Variants in DLC1 observed in about 807,000 individuals in gnomAD.
DLC1 encodes DLC1 Rho GTPase activating protein, also known as rho GTPase-activating protein 7.
In DLC1, 54 loss-of-function variants were observed where a neutral mutation model predicts 140.3. The ratio of observed to expected loss-of-function variants is 0.38; its 90% CI spans 0.31 to 0.48. DLC1 has a LOEUF of 0.48. DLC1 is among the 20% of genes least tolerant of loss of function. The pLI, the probability that DLC1 is intolerant of heterozygous loss-of-function variation, is 0.96. For missense variants in DLC1, 2,536 were observed against 1,907.0 expected (o/e 1.33, Z -6.14); for synonymous variants, 986 against 728.1 (o/e 1.35, Z -5.70).
chr8:13,173,841 A>G (rs1825621331), intron 5 of DLC1, among the ~76,000 whole-genome samples: 1 of 152,202 alleles, frequency 6.6e-6, no homozygotes, highest in African/African-American at 2.4e-5. Context: ...AATCATAATT[A>G]GTCCATTTTT....
chr8:13,272,093 T>TA (rs1393992431), intron 5 of DLC1, among the ~76,000 whole-genome samples: 1 of 152,232 alleles, frequency 6.6e-6, no homozygotes, highest in African/African-American at 2.4e-5. Flanking sequence ...TCCCTTCTTT[T>TA]AAAAAGTCAA....
rs766172478 is a variant in DLC1 at position 13,099,983 on chromosome 8, G to A, written c.2354C>T (p.Ser785Leu). The A allele has an allele frequency of 1.9e-6, 3 of 1,612,558 alleles. No individual in the cohort carries two copies. The highest frequency in any genetic ancestry group is 1.7e-6 in the Non-Finnish European group (2 of 1,180,036). Reference protein sequence around the residue: ...YLEGFDPFNQSTFNNVVEQNF... With the variant: ...YLEGFDPFNQLTFNNVVEQNF... ...CTGCTCCACCACGTTGTTAAATGTT[G>A]ACTGATTGAAAGGATCGAAGCCCTC... The change falls in exon 9 of 18, where the codon TCA becomes TTA. Residue 785 changes from serine to leucine, a missense_variant. Physicochemically the swap from Ser to Leu is moderately radical, Grantham distance 145. Coordinates refer to ENST00000276297, the MANE Select transcript of DLC1 (RefSeq NM_182643.3).
chr8:13,084,399 T>A lies in DLC1; in HGVS notation c.*1412A>T, dbSNP rs1455446231. 1 of 152,614 alleles carries A rather than the reference T, an allele frequency of 6.6e-6. No individual in the cohort carries two copies. The highest frequency in any genetic ancestry group is 2.4e-5 in the African/African-American group (1 of 41,450). 9.5% of individuals were successfully genotyped at this position (152,614 alleles called of 1,614,324 possible). A position where few individuals can be genotyped will look rare whatever the true frequency, so the allele number is the denominator to read the frequency against. The stretch of plus-strand genomic sequence containing the variant: ...AAATCCTTCTTACAGCTCTCATTCA[T>A]ACATTATTCACTTTTGATCCATACA... On this transcript the variant is annotated 3_prime_UTR_variant, in exon 18 of 18. Coordinates refer to ENST00000276297, the MANE Select transcript of DLC1 (RefSeq NM_182643.3).
At chr8:13,396,030 T>A (rs1837025160) in intron 3 of DLC1, among the ~76,000 whole-genome samples, 1 of 151,792 alleles carries the variant, frequency 6.6e-6, no homozygotes. Context: ...TTTAGGTATA[T>A]CAGAAATATT....
Position 13,094,702 on chromosome 8 carries a change from T to A in DLC1, c.3526+57A>T. The A allele has an allele frequency of 2.5e-6, 4 of 1,600,556 alleles. No homozygotes were observed. In the South Asian group the frequency reaches 3.3e-5, roughly 13 times the overall value. ...GAATGCTATCAAGGAAGCTACAAGC[T>A]TCAGTTGGTCCCATTTTTCCCCAAT... On this transcript the variant is annotated intron_variant, in intron 12 of 17. Transcript: ENST00000276297.
intron 1 of DLC1, among the ~76,000 whole-genome samples, chr8:13,565,880 A>G (rs1056891834): frequency 6.6e-6 from 1 of 152,222 alleles, no homozygotes; most frequent in Non-Finnish European, 1.5e-5. Flanking sequence ...AAATGAATCC[A>G]TTAATAAAAA....
chr8:13,314,639 C>A (rs79399553), intron 4 of DLC1, among the ~76,000 whole-genome samples: 4,203 of 152,268 alleles, frequency 0.028, 89 homozygotes, highest in African/African-American at 0.059. Flanking sequence ...GATATTCTCA[C>A]CATTTCATAA....
chr8:13,152,868 T>G (rs1823938347), intron 5 of DLC1, among the ~76,000 whole-genome samples: 1 of 150,586 alleles, frequency 6.6e-6, no homozygotes, highest in South Asian at 2.1e-4. Flanking sequence ...GTCAATTATC[T>G]GAAAAGCTGC....
At chr8:13,217,453 GT>G (rs1377486628) in intron 5 of DLC1, among the ~76,000 whole-genome samples, 1 of 152,136 alleles carries the variant, frequency 6.6e-6, no homozygotes, top group Non-Finnish European at 1.5e-5. Flanking sequence ...CAATAGCCAT[GT>G]TATGTCTAAT....
chr8:13,099,440 C>T lies in DLC1; in HGVS notation c.2897G>A (p.Ser966Asn). Residue 966 changes from serine to asparagine, a missense_variant, in exon 9 of 18, where the codon AGC becomes AAC. By Grantham distance (46) the Ser-to-Asn change is conservative. Coordinates refer to ENST00000276297, the MANE Select transcript of DLC1 (RefSeq NM_182643.3). ...CGGTTCATTCAGGGAGTTGCCTGTG[C>T]TGTCCAGGTCGCTGGGTGTGGTTCG... ...NDRTTPSDLDSTGNSLNEPEE... is the reference protein window; with the variant it reads ...NDRTTPSDLDNTGNSLNEPEE... 4 of 1,614,166 alleles carry T rather than the reference C, an allele frequency of 2.5e-6. No homozygotes were observed. Among genetic ancestry groups the T allele is most frequent in the Non-Finnish European group, 3.4e-6 (4 of 1,180,032 alleles).
At chr8:13,474,002 A>G (rs1026686434) in intron 2 of DLC1, among the ~76,000 whole-genome samples, 4 of 152,232 alleles carry the variant, frequency 2.6e-5, no homozygotes, top group African/African-American at 9.6e-5. Flanking sequence ...AGAAATTTGC[A>G]TAAGTAACGA....
At chr8:13,419,245 C>T (rs544327630) in intron 2 of DLC1, among the ~76,000 whole-genome samples, 2 of 151,964 alleles carry the variant, frequency 1.3e-5, no homozygotes, top group African/African-American at 4.8e-5. Context: ...GAACTTCTAA[C>T]ACTATGTTGA....
At chr8:13,469,199 C>A (rs942358425) in intron 2 of DLC1, among the ~76,000 whole-genome samples, 14 of 152,092 alleles carry the variant, frequency 9.2e-5, no homozygotes, top group Non-Finnish European at 5.9e-5. Context: ...TATATCATTC[C>A]TTTTCTAGCT....
intron 5 of DLC1, among the ~76,000 whole-genome samples, chr8:13,278,002 G>A (rs925395842): frequency 1.4e-4 from 21 of 152,172 alleles, no homozygotes; most frequent in African/African-American, 5.1e-4. Flanking sequence ...GTGAGATTGT[G>A]CTCATGAATT....
intron 1 of DLC1, among the ~76,000 whole-genome samples, chr8:13,590,620 G>A (rs531754639): frequency 6.6e-6 from 1 of 152,076 alleles, no homozygotes; most frequent in South Asian, 2.1e-4. Context: ...AAATACTCTG[G>A]GAGCTTCAAA....
chr8:13,383,306 A>G (rs1299833120), intron 4 of DLC1, among the ~76,000 whole-genome samples: 1 of 152,070 alleles, frequency 6.6e-6, no homozygotes, highest in Non-Finnish European at 1.5e-5. Flanking sequence ...ATTGAATGAG[A>G]GGGTCTACGG....
intron 5 of DLC1, among the ~76,000 whole-genome samples, chr8:13,221,722 GTGTGTATATATATA>G (rs1828562358): frequency 7.6e-6 from 1 of 131,340 alleles, no homozygotes; most frequent in Non-Finnish European, 1.6e-5. Context: ...ATGTGTGTGT[GTGTGTATATATATA>G]TATATATATG....
chr8:13,498,051 CA>C (rs1801596629), intron 2 of DLC1, among the ~76,000 whole-genome samples: 1 of 152,032 alleles, frequency 6.6e-6, no homozygotes, highest in Non-Finnish European at 1.5e-5. Context: ...TTGAACAGAA[CA>C]AAGAACATTA....
chr8:13,102,826 C>G lies in DLC1; in HGVS notation c.1530G>C (p.Ala510=). Residue 510 remains alanine (A), a synonymous_variant, in exon 8 of 18, where the codon GCG becomes GCC. Coordinates refer to ENST00000276297, the MANE Select transcript of DLC1 (RefSeq NM_182643.3). ...GAGGACTAATTTCTAGCTTCATCAC[C>G]GCACATTTGTTTAAAGTATTTAGAC... ...CRRLNTLNKC[A]VMKLEISPHR... is the part of the protein sequence containing the mutation. The G allele has an allele frequency of 6.2e-7, 1 of 1,613,950 alleles. No individual in the cohort carries two copies. Among genetic ancestry groups the G allele is most frequent in the Non-Finnish European group, 8.5e-7 (1 of 1,179,974 alleles).
Sources: gnomAD v4.1 joint callset for allele counts (sites outside exome capture counted in the v4.1 genomes callset) on GRCh38, gnomAD v4.1.1 for gene constraint, MANE v1.5 for transcripts, NCBI Gene and HGNC (gene_info 2026-07-23, HGNC 2026-07-21) for gene names.